SUGCT: variants seen among roughly 807,000 people sequenced by gnomAD.
SUGCT encodes succinyl-CoA:glutarate CoA-transferase.
A neutral mutation model predicts 55.0 loss-of-function variants in SUGCT; 41 were observed. That is an observed-to-expected ratio of 0.74 (90% CI 0.58 to 0.97). SUGCT has a LOEUF of 0.97. Among genes scored for constraint, SUGCT ranks in the 50% least tolerant of loss-of-function variants. The probability of loss-of-function intolerance (pLI) is 0.00; values close to 1 mark genes in which losing one functional copy is unlikely to be tolerated. For missense variants in SUGCT, 568 were observed against 547.8 expected, an observed-to-expected ratio of 1.04 and a Z score of -0.37; for synonymous variants, 187 against 200.4, an observed-to-expected ratio of 0.93 and a Z score of 0.56.
intron 12 of SUGCT, among the ~76,000 whole-genome samples, chr7:40,577,647 CAG>C (rs1170594099): frequency 6.6e-6 from 1 of 152,148 alleles, no homozygotes; most frequent in African/African-American, 2.4e-5. Flanking sequence ...ATGCACATCA[CAG>C]GGGTCAGCCA....
At chr7:40,180,243 C>T (rs1040807615) in intron 1 of SUGCT, among the ~76,000 whole-genome samples, 10 of 151,702 alleles carry the variant, frequency 6.6e-5, no homozygotes, top group African/African-American at 2.2e-4. Context: ...CCTGCCTCAG[C>T]GAGTAGCTAG....
At position 40,460,651 on chromosome 7, in the gene SUGCT, G is replaced by A. The variant is rs559066495; in HGVS notation, c.986+1453G>A. Among the ~76,000 whole-genome samples the A allele has an allele frequency of 2.6e-5, 4 of 152,250 alleles. No individual in the cohort carries two copies. The East Asian group carries it at 7.7e-4, about 29-fold the overall frequency. On this transcript the variant is annotated intron_variant, in intron 11 of 13. Coordinates refer to ENST00000335693, the MANE Select transcript of SUGCT (RefSeq NM_001193313.2). ...AATATGATACCTAGATTGGTTTCCT[G>A]TGTTTTAAAACTTTTATTCCTTGCT...
At chr7:40,919,634 A>C in the SUGCT span, among the ~76,000 whole-genome samples, 1 of 152,164 alleles carries the variant, frequency 6.6e-6, no homozygotes, top group Non-Finnish European at 1.5e-5. Context: ...TTCTTAATTT[A>C]TCTTTTATGA....
intron 13 of SUGCT, among the ~76,000 whole-genome samples, chr7:40,792,988 T>C (rs1046221865): frequency 5.3e-5 from 8 of 152,170 alleles, no homozygotes; most frequent in Admixed American, 5.2e-4. Context: ...AGAACACTCC[T>C]TAGATAGTTA....
At chr7:40,496,481 A>T (rs1182284610) in intron 12 of SUGCT, 95 bp downstream of exon 12, 2 of 845,088 alleles carry the variant, frequency 2.4e-6, no homozygotes, top group East Asian at 5.4e-5. Flanking sequence ...AAGTCACATG[A>T]TGTGAATTTT....
the SUGCT span, among the ~76,000 whole-genome samples, chr7:40,935,141 G>A: frequency 2.9e-4 from 44 of 152,252 alleles, no homozygotes; most frequent in East Asian, 6.6e-3. Context: ...ATTTCATCTG[G>A]AATAAATTTA....
Position 40,189,459 on chromosome 7 carries a change from G to A in SUGCT, c.313-85G>A, listed in dbSNP as rs559848015. ...GGATACATGTGCATGTTTGTTATGT[G>A]GGTATATTGCATAGTGGTGGGGATT... On this transcript the variant is annotated intron_variant, in intron 4 of 13. Transcript: ENST00000335693. 3.4e-5 allele frequency: 9 copies of A among 261,360 alleles called. No homozygotes were observed. The East Asian group carries it at 5.4e-4, about 16-fold the overall frequency. 16.2% of individuals were successfully genotyped at this position (261,360 alleles called of 1,614,324 possible).
the SUGCT span, among the ~76,000 whole-genome samples, chr7:40,969,182 A>G: frequency 6.6e-6 from 1 of 152,240 alleles, no homozygotes; most frequent in Non-Finnish European, 1.5e-5. Context: ...CATCATGTTA[A>G]AAATGGCTTA....
At chr7:40,790,214 T>TGTTCTCATGCTAGTGAGTGA (rs1790240081) in intron 13 of SUGCT, among the ~76,000 whole-genome samples, 1 of 152,202 alleles carries the variant, frequency 6.6e-6, no homozygotes, top group African/African-American at 2.4e-5. Context: ...CCCCAGCTAC[T>TGTTCTCATGCTAGTGAGTGA]GTTCTCATGC....
intron 13 of SUGCT, among the ~76,000 whole-genome samples, chr7:40,845,221 A>G (rs1793495939): frequency 6.6e-6 from 1 of 152,172 alleles, no homozygotes; most frequent in African/African-American, 2.4e-5. Flanking sequence ...CACTGAGGAG[A>G]AGCAGATCAA....
intron 1 of SUGCT, chr7:40,153,685 A>C (rs1788702820): frequency 2.0e-6 from 1 of 511,872 alleles, no homozygotes; most frequent in Admixed American, 2.0e-5. Context: ...TAATGTTTTC[A>C]CGTTATATTC....
intron 12 of SUGCT, among the ~76,000 whole-genome samples, chr7:40,542,387 T>C (rs1004096496): frequency 6.6e-6 from 1 of 152,180 alleles, no homozygotes; most frequent in Non-Finnish European, 1.5e-5. Context: ...TCTCCAGGGA[T>C]ACCTCACACT....
chr7:40,178,419 A>G (rs555293271), intron 1 of SUGCT, among the ~76,000 whole-genome samples: 1 of 152,162 alleles, frequency 6.6e-6, no homozygotes, highest in African/African-American at 2.4e-5. Context: ...CCGAGAAAGG[A>G]TGCATGAGAG....
intron 9 of SUGCT, among the ~76,000 whole-genome samples, chr7:40,337,794 ATGT>A (rs1796801180): frequency 6.6e-6 from 1 of 151,866 alleles, no homozygotes; most frequent in East Asian, 1.9e-4. Flanking sequence ...TGTCATTATG[ATGT>A]TAGCTGGTTA....
At chr7:40,928,449 T>G in the SUGCT span, among the ~76,000 whole-genome samples, 1 of 152,118 alleles carries the variant, frequency 6.6e-6, no homozygotes. Context: ...ATTTTTCTAT[T>G]GTTTCTTTTT....
At chr7:40,980,149 G>A in the SUGCT span, among the ~76,000 whole-genome samples, 4 of 152,030 alleles carry the variant, frequency 2.6e-5, no homozygotes, top group Non-Finnish European at 2.9e-5. Context: ...GCAAGAGAGA[G>A]CAAGAGAGAG....
At chr7:40,333,526 A>G (rs949426532) in intron 9 of SUGCT, among the ~76,000 whole-genome samples, 3 of 148,416 alleles carry the variant, frequency 2.0e-5, no homozygotes, top group Non-Finnish European at 4.5e-5. Flanking sequence ...AACCCCAGTT[A>G]CTTGGGAGGG....
chr7:40,279,410 A>G (rs1469037552), intron 8 of SUGCT, among the ~76,000 whole-genome samples: 1 of 152,154 alleles, frequency 6.6e-6, no homozygotes, highest in African/African-American at 2.4e-5. Flanking sequence ...TGATTCCTCC[A>G]AAGAATGGCA....
chr7:40,778,630 C>A (rs1429505263), intron 13 of SUGCT, among the ~76,000 whole-genome samples: 1 of 152,182 alleles, frequency 6.6e-6, no homozygotes. Context: ...CATAAGTGAT[C>A]AGAAAATAAT....
Sources: allele counts gnomAD v4.1 joint callset (sites outside exome capture counted in the v4.1 genomes callset), GRCh38; gene constraint gnomAD v4.1.1; transcripts MANE v1.5; gene names NCBI Gene and HGNC (gene_info 2026-07-23, HGNC 2026-07-21).